CTH: variants seen among roughly 807,000 people sequenced by gnomAD.
CTH encodes cystathionase (cystathionine gamma-lyase).
A neutral mutation model predicts 50.6 loss-of-function variants in CTH; 41 were observed. That is an observed-to-expected ratio of 0.81 (90% CI 0.63 to 1.05). CTH has a LOEUF of 1.05. CTH is among the 50% of genes least tolerant of loss of function. CTH has a pLI of 0.00. For missense variants in CTH, 470 were observed against 492.6 expected (o/e 0.95, Z 0.43); for synonymous variants, 156 against 168.9 (o/e 0.92, Z 0.59).
At chr1:70,423,765 C>G (rs896366139) in intron 4 of CTH, among the ~76,000 whole-genome samples, 1 of 152,114 alleles carries the variant, frequency 6.6e-6, no homozygotes, top group Admixed American at 6.5e-5. Context: ...CACTTTTCTT[C>G]TTTAGTCTAA....
At chr1:70,423,496 G>A (rs1391064479) in intron 4 of CTH, among the ~76,000 whole-genome samples, 1 of 151,754 alleles carries the variant, frequency 6.6e-6, no homozygotes, top group Non-Finnish European at 1.5e-5. Flanking sequence ...ACTTGGGCCT[G>A]AAAGGTCGAA....
intron 1 of CTH, among the ~76,000 whole-genome samples, chr1:70,412,771 G>A (rs1416067484): frequency 6.6e-6 from 1 of 152,176 alleles, no homozygotes. Flanking sequence ...ATAAGTTGTT[G>A]AGATGTATTT....
At chr1:70,413,429 C>A (rs922110276) in intron 1 of CTH, among the ~76,000 whole-genome samples, 1 of 151,806 alleles carries the variant, frequency 6.6e-6, no homozygotes, top group Non-Finnish European at 1.5e-5. Context: ...GCGCCTGACT[C>A]ATTTTTTATT....
At chr1:70,437,753 T>C (rs180923713) in intron 10 of CTH, among the ~76,000 whole-genome samples, 2,762 of 152,224 alleles carry the variant, frequency 0.018, 57 homozygotes, top group Non-Finnish European at 0.027. Context: ...GATTTTTTTT[T>C]CCCCATGGCT....
intron 1 of CTH, among the ~76,000 whole-genome samples, chr1:70,412,758 C>T (rs561667532): frequency 6.6e-6 from 1 of 152,182 alleles, no homozygotes; most frequent in East Asian, 1.9e-4. Context: ...TAGTATCTAC[C>T]ACATAAGTTG....
intron 3 of CTH, among the ~76,000 whole-genome samples, chr1:70,418,447 G>A (rs900584367): frequency 3.3e-5 from 5 of 152,020 alleles, no homozygotes; most frequent in Non-Finnish European, 7.4e-5. Context: ...ACGGGGTTTC[G>A]TTGTGTTGGT....
intron 3 of CTH, among the ~76,000 whole-genome samples, chr1:70,419,035 T>C (rs1455743345): frequency 7.1e-6 from 1 of 140,450 alleles, no homozygotes; most frequent in African/African-American, 2.6e-5. Flanking sequence ...CCATGTGTTC[T>C]CATTGTTCAA....
At chr1:70,421,017 T>C (rs1572257467) in intron 3 of CTH, among the ~76,000 whole-genome samples, 2 of 152,160 alleles carry the variant, frequency 1.3e-5, no homozygotes, top group South Asian at 4.1e-4. Flanking sequence ...GGTGTATTTA[T>C]AAAAAATTAT....
intron 1 of CTH, 21 bp downstream of exon 1, chr1:70,411,604 G>T: frequency 6.2e-7 from 1 of 1,610,466 alleles, no homozygotes; most frequent in Non-Finnish European, 8.5e-7. Flanking sequence ...TCTGTCTGGG[G>T]CTGTCCACAG....
chr1:70,430,309 G>C lies in CTH; in HGVS notation c.647-8G>C, dbSNP rs746674127. 4 of 1,534,070 alleles carry C rather than the reference G, an allele frequency of 2.6e-6. No individual in the cohort carries two copies. In the Admixed American group the frequency reaches 6.7e-5, roughly 26 times the overall value. ...ATTTTTGTTTGTTTGTTTGTTTTTT[G>C]TTTTTAGGCCACAGTGATGTTGTAA... is the stretch of plus-strand genomic sequence containing the variant. On this transcript the variant is annotated splice_region_variant and splice_polypyrimidine_tract_variant and intron_variant, in intron 6 of 11. Transcript: ENST00000370938.
intron 7 of CTH, among the ~76,000 whole-genome samples, chr1:70,431,509 A>G (rs1684473976): frequency 6.6e-6 from 1 of 152,230 alleles, no homozygotes. Flanking sequence ...AGATTAAGCC[A>G]TTGTAACTTG....
At chr1:70,419,609 G>A (rs1309357419) in intron 3 of CTH, among the ~76,000 whole-genome samples, 1 of 152,190 alleles carries the variant, frequency 6.6e-6, no homozygotes, top group East Asian at 1.9e-4. Flanking sequence ...TAAATGATGA[G>A]TTAATGGGTG....
At chr1:70,421,701 C>T (rs1557465073) in intron 4 of CTH, 26 bp downstream of exon 4, 21 of 1,605,290 alleles carry the variant, frequency 1.3e-5, no homozygotes, top group Non-Finnish European at 1.7e-5. Flanking sequence ...TTCAGTTTTG[C>T]CTGTTTTTCC....
chr1:70,436,788 C>A (rs1162836987), intron 10 of CTH, among the ~76,000 whole-genome samples: 1 of 152,164 alleles, frequency 6.6e-6, no homozygotes. Flanking sequence ...GCACACTCAG[C>A]ATGTGAAATG....
Position 70,433,958 on chromosome 1 carries a change from A to G in CTH, c.999+9A>G, listed in dbSNP as rs1684539634. On this transcript the variant is annotated intron_variant, in intron 9 of 11. Transcript: ENST00000370938. ...TCCTCAAGAACCTAAAGGTAAACTT[A>G]CAAAATAGGTTTAAAATTGTAGGAG... The G allele has an allele frequency of 3.7e-6, 6 of 1,613,816 alleles. No homozygotes were observed. The highest frequency in any genetic ancestry group is 4.5e-5 in the East Asian group (2 of 44,864).
chr1:70,436,022 T>G (rs1353479394), intron 10 of CTH, among the ~76,000 whole-genome samples: 1 of 152,132 alleles, frequency 6.6e-6, no homozygotes, highest in Non-Finnish European at 1.5e-5. Context: ...GATTAATAAT[T>G]AATGATTTTC....
intron 1 of CTH, among the ~76,000 whole-genome samples, chr1:70,414,494 C>CA (rs969405937): frequency 8.5e-4 from 118 of 139,126 alleles, no homozygotes; most frequent in Admixed American, 1.0e-3. Context: ...GACTCCCTTT[C>CA]AAAAAAAAAA....
Position 70,435,096 on chromosome 1 carries a change from A to T in CTH, c.1000-29A>T, listed in dbSNP as rs542459791. On this transcript the variant is annotated intron_variant, in intron 9 of 11. Transcript: ENST00000370938. ...TTTTAGTATTTTTATTTTACTAGAA[A>T]ATCTAAATTCATGTTTTCTTTGCTA... 3.4e-4 allele frequency: 524 copies of T among 1,551,750 alleles called. 8 individuals carry two copies. The South Asian group carries it at 3.6e-3, about 11-fold the overall frequency.
rs76628507 is a variant in CTH at position 70,429,718 on chromosome 1, A to G, written c.589-76A>G. On this transcript the variant is annotated intron_variant, in intron 5 of 11. Coordinates refer to ENST00000370938, the MANE Select transcript of CTH (RefSeq NM_001902.6). ...ATTGATTAGAATAAGAATGGAATTTATAATTGCAAATAGGCAGGTAATGAA... is the reference window on the plus strand; with the variant it reads ...ATTGATTAGAATAAGAATGGAATTTGTAATTGCAAATAGGCAGGTAATGAA... 462 of 1,027,894 alleles carry G rather than the reference A, an allele frequency of 4.5e-4. 5 individuals carry two copies. The East Asian group carries it at 9.7e-3, about 22-fold the overall frequency. 63.7% of individuals were successfully genotyped at this position (1,027,894 alleles called of 1,614,324 possible). A position where few individuals can be genotyped will look rare whatever the true frequency, so the allele number is the denominator to read the frequency against.
Sources: gnomAD v4.1 joint callset for allele counts (sites outside exome capture counted in the v4.1 genomes callset) on GRCh38, gnomAD v4.1.1 for gene constraint, MANE v1.5 for transcripts, NCBI Gene and HGNC (gene_info 2026-07-23, HGNC 2026-07-21) for gene names.